Variants in VPS13C observed in about 807,000 individuals in gnomAD.
VPS13C encodes intermembrane lipid transfer protein VPS13C.
Under a neutral mutation model 456.8 loss-of-function variants are expected in VPS13C, and 358 were observed. That is an observed-to-expected ratio of 0.78 (90% CI 0.72 to 0.86). The LOEUF (loss-of-function observed/expected upper bound fraction) is 0.86, where lower values mean the gene tolerates loss of function less well. Among genes scored for constraint, VPS13C ranks in the 40% least tolerant of loss-of-function variants. VPS13C has a pLI of 0.00. For missense variants in VPS13C, 4,818 were observed against 4,385.4 expected (o/e 1.10, Z -2.79); for synonymous variants, 1,578 against 1,486.7 (o/e 1.06, Z -1.41).
intron 9 of VPS13C, among the ~76,000 whole-genome samples, chr15:62,016,885 C>T (rs1253612005): frequency 6.6e-6 from 1 of 152,150 alleles, no homozygotes; most frequent in Admixed American, 6.6e-5. Context: ...TACAGTCCCA[C>T]CAACAGTGTA....
chr15:61,978,823 T>C (rs2045788680), intron 22 of VPS13C, 74 bp from the exon 23 acceptor site: 1 of 1,458,640 alleles, frequency 6.9e-7, no homozygotes. Flanking sequence ...TTTAGTTAGG[T>C]TTCAGTCTTG....
intron 50 of VPS13C, 92 bp downstream of exon 50, chr15:61,930,998 T>C: frequency 6.9e-7 from 1 of 1,455,346 alleles, no homozygotes. Flanking sequence ...CAGAGATCTT[T>C]TTTGGATGAT....
At chr15:61,933,216 C>A (rs1310799436) in intron 49 of VPS13C, among the ~76,000 whole-genome samples, 1 of 152,066 alleles carries the variant, frequency 6.6e-6, no homozygotes, top group Non-Finnish European at 1.5e-5. Flanking sequence ...TCTAAGACTG[C>A]AGAACCAGCA....
chr15:61,994,808 T>G (rs918303924), intron 16 of VPS13C, among the ~76,000 whole-genome samples: 3 of 152,160 alleles, frequency 2.0e-5, no homozygotes, highest in Non-Finnish European at 4.4e-5. Context: ...CAGGCTGGTC[T>G]CAAACTCCTG....
intron 62 of VPS13C, among the ~76,000 whole-genome samples, 181 bp from the exon 63 acceptor site, chr15:61,912,185 T>C (rs1348535598): frequency 6.6e-6 from 1 of 152,234 alleles, no homozygotes; most frequent in African/African-American, 2.4e-5. Context: ...GTTCCTTAGT[T>C]TGGCTCCATC....
At chr15:61,884,681 T>G (rs1335915609) in intron 67 of VPS13C, among the ~76,000 whole-genome samples, 1 of 147,602 alleles carries the variant, frequency 6.8e-6, no homozygotes, top group African/African-American at 2.6e-5. Flanking sequence ...AACAAGTCTA[T>G]TAATGAAAAA....
At chr15:62,005,098 T>A (rs2046784619) in intron 15 of VPS13C, among the ~76,000 whole-genome samples, 1 of 152,096 alleles carries the variant, frequency 6.6e-6, no homozygotes, top group African/African-American at 2.4e-5. Context: ...GTCTCGTTGA[T>A]CTGTCTAATG....
rs577781835 is a variant in VPS13C, at chr15:61,962,030, G to A, written c.3604-137C>T. On this transcript the variant is annotated intron_variant, in intron 34 of 84. Coordinates refer to ENST00000644861, the MANE Select transcript of VPS13C (RefSeq NM_020821.3). The stretch of plus-strand genomic sequence containing the variant: ...TCCATTGAGCCCTATTTTTCTAGCA[G>A]TATTAAGAAATTACGGATAATCCAT... The A allele has an allele frequency of 1.7e-4, 172 of 995,194 alleles. No individual in the cohort carries two copies. In the African/African-American group the frequency reaches 2.6e-3, roughly 15 times the overall value. The allele number at this position is 995,194 out of a possible 1,614,324, so 61.6% of individuals were successfully genotyped here.
Position 61,954,462 on chromosome 15 carries a change from C to G in VPS13C, c.4258G>C (p.Val1420Leu), listed in dbSNP as rs754288827. Residue 1420 changes from valine (V) to leucine (L), a missense_variant, in exon 38 of 85, where the codon GTA (valine) becomes CTA (leucine). Transcript: ENST00000644861. Reference protein sequence around the residue: ...LTTGVEEIRSVDIINMLLNFE... With the variant: ...LTTGVEEIRSLDIINMLLNFE... ...TTCAGCAGCATATTAATGATGTCTA[C>G]AGACCTAATTTCTTCCACTCCAGTT... 3 of 1,609,276 alleles carry G rather than the reference C, an allele frequency of 1.9e-6. No individual in the cohort carries two copies. Among genetic ancestry groups the G allele is most frequent in the Non-Finnish European group, 2.5e-6 (3 of 1,178,130 alleles).
At chr15:62,018,173 AAGG>A (rs1331876747) in intron 9 of VPS13C, among the ~76,000 whole-genome samples, 1 of 152,166 alleles carries the variant, frequency 6.6e-6, no homozygotes, top group East Asian at 1.9e-4. Flanking sequence ...TTATCAGCTT[AAGG>A]AGATTTGGGG....
rs141403320 is a variant in VPS13C, at chr15:62,007,342, G to A, written c.1256C>T (p.Ser419Phe). 3.1e-6 allele frequency: 5 copies of A among 1,610,684 alleles called. No homozygotes were observed. The highest frequency in any genetic ancestry group is 4.2e-6 in the Non-Finnish European group (5 of 1,178,882). ...TTTCTGTATTTCTTCTGAGACTTTA[G>A]ACTGTGTTAACTTGTTTTTGTAGGC... ...KIAYKNKLTQSKVSEEIQKEI... is the reference protein window; with the variant it reads ...KIAYKNKLTQFKVSEEIQKEI... The change falls in exon 15 of 85, where the codon TCT becomes TTT. Residue 419 changes from serine (S) to phenylalanine (F), a missense_variant. By Grantham distance (155) the Ser-to-Phe change is radical. Around this residue, in one of 3 missense-constraint regions of VPS13C, gnomAD observed 4,552 missense variants for 4,130.6 expected, o/e 1.10. Coordinates refer to ENST00000644861, the MANE Select transcript of VPS13C (RefSeq NM_020821.3).
intron 16 of VPS13C, among the ~76,000 whole-genome samples, chr15:61,994,863 C>T (rs955295858): frequency 6.6e-6 from 1 of 152,208 alleles, no homozygotes; most frequent in Non-Finnish European, 1.5e-5. Flanking sequence ...GCTGGGATTA[C>T]AGGAGTGGGC....
intron 67 of VPS13C, among the ~76,000 whole-genome samples, chr15:61,887,347 G>A (rs993190889): frequency 5.9e-5 from 9 of 152,172 alleles, no homozygotes; most frequent in African/African-American, 2.2e-4. Context: ...ATGTGTATGT[G>A]ATCTAAGTGA....
chr15:61,964,006 T>C, intron 31 of VPS13C, 55 bp from the exon 32 acceptor site: 2 of 1,171,646 alleles, frequency 1.7e-6, no homozygotes, highest in Non-Finnish European at 1.2e-6. Flanking sequence ...ATCTACATTC[T>C]TTTAAGGTTT....
At chr15:61,885,588 A>T (rs892496219) in intron 67 of VPS13C, among the ~76,000 whole-genome samples, 3 of 152,166 alleles carry the variant, frequency 2.0e-5, no homozygotes, top group Non-Finnish European at 4.4e-5. Context: ...ACATGAATTA[A>T]TGAAGTTAAC....
At chr15:61,966,218 T>C (rs1202318744) in intron 29 of VPS13C, 76 bp from the exon 30 acceptor site, 13 of 990,158 alleles carry the variant, frequency 1.3e-5, no homozygotes, top group Non-Finnish European at 1.9e-5. Flanking sequence ...TATCTCTGGT[T>C]AATTTATTTA....
chr15:61,934,221 G>T lies in VPS13C; in HGVS notation c.5866C>A (p.Gln1956Lys). 2 of 1,558,680 alleles carry T rather than the reference G, an allele frequency of 1.3e-6. No homozygotes were observed. The highest frequency in any genetic ancestry group is 1.2e-5 in the South Asian group (1 of 82,756). ...SIILYNNDINQESGVAFHNDS... is the reference protein window; with the variant it reads ...SIILYNNDINKESGVAFHNDS... ...AATTACAGAAATGTATTACATACCT[G>T]GTTGATATCATTGTTATAAAGGATA... The change falls in exon 49 of 85, where the codon CAG (glutamine) becomes AAG (lysine). Residue 1956 changes from glutamine to lysine, a missense_variant and splice_region_variant. Coordinates refer to ENST00000644861, the MANE Select transcript of VPS13C (RefSeq NM_020821.3).
chr15:62,059,565 C>T (rs952040419), intron 1 of VPS13C, among the ~76,000 whole-genome samples: 1 of 152,194 alleles, frequency 6.6e-6, no homozygotes, highest in African/African-American at 2.4e-5. Context: ...GAGCATGCAA[C>T]CAAGCAGACA....
At chr15:62,005,232 G>T (rs377732043) in intron 15 of VPS13C, among the ~76,000 whole-genome samples, 16 of 152,120 alleles carry the variant, frequency 1.1e-4, no homozygotes, top group South Asian at 2.1e-4. Flanking sequence ...ATATTTAGGA[G>T]AGTTAGCTCT....
Sources: allele counts gnomAD v4.1 joint callset (sites outside exome capture counted in the v4.1 genomes callset), GRCh38; gene constraint gnomAD v4.1.1; regional missense constraint gnomAD v4.1.1; transcripts MANE v1.5; gene names NCBI Gene and HGNC (gene_info 2026-07-23, HGNC 2026-07-21).